HDGFL3: variants seen among roughly 807,000 people sequenced by gnomAD.
The protein encoded by HDGFL3 is hepatoma-derived growth factor-related protein 3.
A neutral mutation model predicts 27.6 loss-of-function variants in HDGFL3; 6 were observed. The observed-to-expected ratio is 0.22, with a 90% CI of 0.12 to 0.43. The LOEUF (loss-of-function observed/expected upper bound fraction) is 0.43, where lower values mean the gene tolerates loss of function less well. Among genes scored for constraint, HDGFL3 ranks in the 20% least tolerant of loss-of-function variants. HDGFL3 has a pLI of 1.00. For missense variants in HDGFL3, 207 were observed against 250.1 expected, an observed-to-expected ratio of 0.83 and a Z score of 1.16; for synonymous variants, 88 against 88.9, an observed-to-expected ratio of 0.99 and a Z score of 0.05.
rs190245115 is a variant in HDGFL3 at position 83,179,560 on chromosome 15, T to C, written c.85-15485A>G. Among the ~76,000 whole-genome samples, 405 of 152,276 alleles carry C rather than the reference T, an allele frequency of 2.7e-3. 4 individuals are homozygous for C. The highest frequency in any genetic ancestry group is 9.3e-3 in the African/African-American group (385 of 41,546). On this transcript the variant is annotated intron_variant, in intron 1 of 5. Coordinates refer to ENST00000299633, the MANE Select transcript of HDGFL3 (RefSeq NM_016073.4). ...GAGGGCTAGGCAAGGATACCAAGGT[T>C]CTCCATAGGCAAAGCCTCTTCTCTC...
intron 1 of HDGFL3, among the ~76,000 whole-genome samples, chr15:83,164,519 C>T (rs1270441463): frequency 1.3e-5 from 2 of 151,846 alleles, no homozygotes; most frequent in East Asian, 3.9e-4. Context: ...CATTAAAAGA[C>T]ATCATCTCTT....
chr15:83,179,964 A>C (rs2037359628), intron 1 of HDGFL3: 2 of 152,252 alleles, frequency 1.3e-5, no homozygotes, highest in South Asian at 4.1e-4. Flanking sequence ...GGAGAAAGTA[A>C]GGAGTGAAGT....
In HDGFL3 at chr15:83,130,435, C is replaced by T. The variant is rs762013261; in HGVS notation, c.*8835G>A. 5 of 152,274 alleles carry T rather than the reference C, an allele frequency of 3.3e-5. No individual in the cohort carries two copies. The highest frequency in any genetic ancestry group is 5.9e-5 in the Non-Finnish European group (4 of 68,112). The allele number at this position is 152,274 out of a possible 1,614,324, so 9.4% of individuals were successfully genotyped here. A position where few individuals can be genotyped will look rare whatever the true frequency, so the allele number is the denominator to read the frequency against. On this transcript the variant is annotated 3_prime_UTR_variant, in exon 6 of 6. Transcript: ENST00000299633. Reference sequence around the variant, plus strand: ...ATGTCAGACGTCAGGCATCCTGGGGCTTATCCATCACTGCCCAGTTGATAA... The same window carrying T: ...ATGTCAGACGTCAGGCATCCTGGGGTTTATCCATCACTGCCCAGTTGATAA...
Position 83,207,491 on chromosome 15 carries a change from T to G in HDGFL3, c.-77A>C. The stretch of plus-strand genomic sequence containing the variant: ...GGCCGCCCCCCCGCGGGCCGACGAA[T>G]TGCGCCGCGCTCCCCGCGGGCCTCA... On this transcript the variant is annotated 5_prime_UTR_variant, in exon 1 of 6. Transcript: ENST00000299633. The surrounding 1 kb of genome is among the most constrained non-coding windows in gnomAD (Gnocchi z 4.8). 1 of 1,106,462 alleles carries G rather than the reference T, an allele frequency of 9.0e-7. No individual in the cohort carries two copies. Among genetic ancestry groups the G allele is most frequent in the African/African-American group, 1.6e-5 (1 of 61,258 alleles). 68.5% of individuals were successfully genotyped at this position (1,106,462 alleles called of 1,614,324 possible).
At chr15:83,125,429 G>A (rs971160294), downstream of HDGFL3, among the ~76,000 whole-genome samples, 4 of 152,098 alleles carry the variant, frequency 2.6e-5, no homozygotes, top group African/African-American at 9.7e-5. Context: ...GTGTGGCCTT[G>A]GAAAAACTAC....
chr15:83,181,149 T>A (rs2037376107), intron 1 of HDGFL3: 1 of 152,204 alleles, frequency 6.6e-6, no homozygotes, highest in Admixed American at 6.6e-5. Context: ...ATTTTAATCT[T>A]TAAAATAATT....
chr15:83,170,482 T>C (rs376650678), intron 1 of HDGFL3, among the ~76,000 whole-genome samples: 61 of 152,344 alleles, frequency 4.0e-4, no homozygotes, highest in African/African-American at 1.3e-3. Context: ...AACTCCCTAT[T>C]TGATACATGG....
rs1265496337 is a variant in HDGFL3 at position 83,138,283 on chromosome 15, A to C, written c.*987T>G. ...ACCGTGAATACGCGAAAGATGTTCC[A>C]AGGACAAGCATTAACAGGATTGATA... On this transcript the variant is annotated 3_prime_UTR_variant, in exon 6 of 6. Transcript: ENST00000299633. 6.6e-6 allele frequency: 1 copy of C among 152,626 alleles called. No homozygotes were observed. The highest frequency in any genetic ancestry group is 2.4e-5 in the African/African-American group (1 of 41,464). The allele number at this position is 152,626 out of a possible 1,614,324, so 9.5% of individuals were successfully genotyped here.
chr15:83,171,320 G>C (rs1247015903), intron 1 of HDGFL3, among the ~76,000 whole-genome samples: 6 of 151,994 alleles, frequency 3.9e-5, no homozygotes, highest in Non-Finnish European at 7.4e-5. Flanking sequence ...CAGCCACTGT[G>C]GAAAGCAGTT....
At position 83,207,295 on chromosome 15, in the gene HDGFL3, TG is replaced by T; in HGVS notation, c.84+35del. On this transcript the variant is annotated intron_variant, in intron 1 of 5. Coordinates refer to ENST00000299633, the MANE Select transcript of HDGFL3 (RefSeq NM_016073.4). This position sits in a 1 kb window ranked among gnomAD's most constrained non-coding sequence, Gnocchi z 4.8. ...CGCGCCATCATGAAGGGGAAAATGG[TG>T]GGCGGGCGGGCCCGCGCGCGGCCGC... is the stretch of plus-strand genomic sequence containing the variant. The T allele has an allele frequency of 1.6e-6, 2 of 1,288,904 alleles. No homozygotes were observed. Among genetic ancestry groups the T allele is most frequent in the South Asian group, 4.3e-5 (2 of 46,058 alleles). The allele number at this position is 1,288,904 out of a possible 1,614,324, so 79.8% of individuals were successfully genotyped here. A position where few individuals can be genotyped will look rare whatever the true frequency, so the allele number is the denominator to read the frequency against.
chr15:83,115,210 T>TTCAAAA, exon 4 of HDGFL3: 1 of 157,012 alleles, frequency 6.4e-6, no homozygotes, highest in Admixed American at 6.3e-5. Flanking sequence ...CTCCGCCTCC[T>TTCAAAA]GGGTTCAAGC....
chr15:83,117,534 C>T (rs1463167506), intron 3 of HDGFL3, among the ~76,000 whole-genome samples: 2 of 152,112 alleles, frequency 1.3e-5, no homozygotes, highest in Non-Finnish European at 2.9e-5. Context: ...GAAGGAAAAC[C>T]TGGAGAGTGG....
At chr15:83,196,378 C>T (rs1043206352) in intron 1 of HDGFL3, among the ~76,000 whole-genome samples, 1 of 151,872 alleles carries the variant, frequency 6.6e-6, no homozygotes, top group Non-Finnish European at 1.5e-5. Context: ...AAAAAGGATA[C>T]ATAATCTGAC....
At chr15:83,119,784 T>C (rs1048269343) in intron 3 of HDGFL3, 2 of 1,551,884 alleles carry the variant, frequency 1.3e-6, no homozygotes, top group African/African-American at 2.7e-5. Flanking sequence ...GCAGGTATAC[T>C]GGACATGAAT....
chr15:83,157,605 T>C (rs1311514824), intron 3 of HDGFL3, 32 bp from the exon 4 acceptor site: 2 of 1,571,248 alleles, frequency 1.3e-6, no homozygotes, highest in African/African-American at 1.4e-5. Flanking sequence ...GCTGATTACA[T>C]TTTTGAAAAA....
intron 1 of HDGFL3, among the ~76,000 whole-genome samples, chr15:83,187,887 CA>C (rs748482520): frequency 0.05 from 3,795 of 75,530 alleles, 81 homozygotes; most frequent in East Asian, 0.22. Context: ...AACTCTGTCT[CA>C]AAAAAAAAAA....
At chr15:83,191,922 T>C (rs2037514470) in intron 1 of HDGFL3, among the ~76,000 whole-genome samples, 1 of 150,524 alleles carries the variant, frequency 6.6e-6, no homozygotes, top group South Asian at 2.1e-4. Flanking sequence ...CATCCTATTG[T>C]AACTTATCTC....
intron 3 of HDGFL3, chr15:83,122,019 T>A (rs1179426807): frequency 6.3e-7 from 1 of 1,585,012 alleles, no homozygotes; most frequent in Non-Finnish European, 8.6e-7. Context: ...AAACTTTATC[T>A]TAAAGTTCAC....
At chr15:83,160,942 C>A (rs2037094777) in intron 2 of HDGFL3, among the ~76,000 whole-genome samples, 2 of 152,130 alleles carry the variant, frequency 1.3e-5, no homozygotes, top group South Asian at 4.1e-4. Context: ...ATTGCTCAGT[C>A]AGCATGATTC....
Sources: allele counts gnomAD v4.1 joint callset (sites outside exome capture counted in the v4.1 genomes callset), GRCh38; gene constraint gnomAD v4.1.1; non-coding constraint Gnocchi (gnomAD v3.1); transcripts MANE v1.5; gene names NCBI Gene and HGNC (gene_info 2026-07-23, HGNC 2026-07-21).